GPR155: variants seen among roughly 807,000 people sequenced by gnomAD.
The protein encoded by GPR155 is lysosomal cholesterol signaling protein.
A neutral mutation model predicts 93.1 loss-of-function variants in GPR155; 65 were observed. The ratio of observed to expected loss-of-function variants is 0.70; its 90% CI spans 0.57 to 0.86. The LOEUF is 0.86. GPR155 is among the 40% of genes least tolerant of loss of function. The pLI, the probability that GPR155 is intolerant of heterozygous loss-of-function variation, is 0.00. For synonymous variants in GPR155, 319 were observed against 360.1 expected (o/e 0.89, Z 1.29); for missense variants, 838 against 1,034.8 (o/e 0.81, Z 2.61).
At position 174,459,993 on chromosome 2, in the gene GPR155, T is replaced by G; in HGVS notation, c.1656A>C (p.Glu552Asp). The G allele has an allele frequency of 6.2e-7, 1 of 1,614,044 alleles. No individual in the cohort carries two copies. The highest frequency in any genetic ancestry group is 8.5e-7 in the Non-Finnish European group (1 of 1,179,970). ...TGTGGCTCTGAGACTGATCGAAACC[T>G]TCATAGCTTCCTGCTTGGGCAGTCT... is the stretch of plus-strand genomic sequence containing the variant. ...MNQTAQAGSY[E>D]GFDQSQSHKV... The change falls in exon 10 of 16, where the codon GAA becomes GAC. Residue 552 changes from glutamate (E) to aspartate (D), a missense_variant. Physicochemically the swap from Glu to Asp is conservative, Grantham distance 45. Coordinates refer to ENST00000392552, the MANE Select transcript of GPR155 (RefSeq NM_152529.7).
chr2:174,474,621 A>G (rs969870844), intron 2 of GPR155, among the ~76,000 whole-genome samples: 1 of 152,164 alleles, frequency 6.6e-6, no homozygotes, highest in Admixed American at 6.5e-5. Flanking sequence ...CTTATGAAAA[A>G]TGGTACAATA....
intron 10 of GPR155, 31 bp downstream of exon 10, chr2:174,459,847 A>G (rs767175358): frequency 2.7e-6 from 4 of 1,506,052 alleles, no homozygotes; most frequent in Non-Finnish European, 3.7e-6. Context: ...TCTGTCTCAA[A>G]TAAATAAAAA....
chr2:174,454,141 G>GT (rs1046903413), intron 10 of GPR155, among the ~76,000 whole-genome samples: 6 of 152,070 alleles, frequency 3.9e-5, no homozygotes, highest in East Asian at 3.9e-4. Context: ...GTTTTGTTCT[G>GT]TTTTTTTGTT....
intron 4 of GPR155, among the ~76,000 whole-genome samples, chr2:174,470,019 A>G (rs1210852191): frequency 6.6e-6 from 1 of 152,178 alleles, no homozygotes; most frequent in East Asian, 1.9e-4. Flanking sequence ...CTACCACCAC[A>G]CCCAGCTAAT....
chr2:174,472,405 CAAACAA>C (rs1202024829), intron 3 of GPR155, among the ~76,000 whole-genome samples: 1 of 152,000 alleles, frequency 6.6e-6, no homozygotes, highest in Non-Finnish European at 1.5e-5. Flanking sequence ...GACTCTGTTT[CAAACAA>C]AAACAAAAAC....
Position 174,473,164 on chromosome 2 carries a change from A to T in GPR155, c.661T>A (p.Phe221Ile). 1 of 1,613,130 alleles carries T rather than the reference A, an allele frequency of 6.2e-7. No individual in the cohort carries two copies. Among genetic ancestry groups the T allele is most frequent in the Non-Finnish European group, 8.5e-7 (1 of 1,179,532 alleles). Reference sequence around the variant, plus strand: ...AAGGCGATGCCAATGAAGACCATAAATACTATTGGGTTCTGTAATACACGC... The same window carrying T: ...AAGGCGATGCCAATGAAGACCATAATTACTATTGGGTTCTGTAATACACGC... The part of the protein sequence containing the change: ...LLRVLQNPIV[F>I]MVFIGIAFNF... Residue 221 changes from phenylalanine to isoleucine, a missense_variant, in exon 3 of 16, where the codon TTT becomes ATT. By Grantham distance (21) the Phe-to-Ile change is conservative. This residue lies in a region of GPR155 where 663 missense variants were observed against 790.1 expected (regional missense o/e 0.84). Transcript: ENST00000392552.
At chr2:174,463,878 G>C (rs2105713076) in intron 7 of GPR155, among the ~76,000 whole-genome samples, 1 of 152,310 alleles carries the variant, frequency 6.6e-6, no homozygotes, top group East Asian at 1.9e-4. Context: ...CACTGTGCTA[G>C]ATTTAATATA....
intron 11 of GPR155, among the ~76,000 whole-genome samples, chr2:174,447,198 G>A (rs1687157476): frequency 6.6e-6 from 1 of 151,382 alleles, no homozygotes; most frequent in Non-Finnish European, 1.5e-5. Context: ...TTAACTGGGT[G>A]TGGTGGCGGG....
At chr2:174,455,676 A>C (rs750133731) in intron 10 of GPR155, among the ~76,000 whole-genome samples, 1 of 152,134 alleles carries the variant, frequency 6.6e-6, no homozygotes, top group Non-Finnish European at 1.5e-5. Context: ...CCACGCCCTG[A>C]ATGGCTAATT....
At chr2:174,441,419 A>C (rs1686955878) in intron 14 of GPR155, among the ~76,000 whole-genome samples, 1 of 151,350 alleles carries the variant, frequency 6.6e-6, no homozygotes. Flanking sequence ...TATATTTAAA[A>C]AATTTTTTTT....
rs1261778577 is a variant in GPR155, at chr2:174,469,439, A to G, written c.1027-372T>C. ...AAAAGGAATTCAAAAAAAGAAAATT[A>G]CCATGCAAATATTTATTTTACAGAT... is the stretch of plus-strand genomic sequence containing the variant. On this transcript the variant is annotated intron_variant, in intron 4 of 15. Coordinates refer to ENST00000392552, the MANE Select transcript of GPR155 (RefSeq NM_152529.7). Among the ~76,000 whole-genome samples, 6 of 152,358 alleles carry G rather than the reference A, an allele frequency of 3.9e-5. No individual in the cohort carries two copies. In the East Asian group the frequency reaches 5.8e-4, roughly 15 times the overall value.
At chr2:174,460,226 T>C (rs1282384005) in intron 9 of GPR155, 138 bp from the exon 10 acceptor site, 6 of 555,076 alleles carry the variant, frequency 1.1e-5, no homozygotes, top group Non-Finnish European at 1.8e-5. Context: ...AGTGACACAA[T>C]CTCGGCTCAC....
chr2:174,471,328 G>T (rs1288533410), intron 3 of GPR155, among the ~76,000 whole-genome samples: 1 of 150,210 alleles, frequency 6.7e-6, no homozygotes, highest in African/African-American at 2.5e-5. Flanking sequence ...GGAGGTGGAG[G>T]TGCAGTGAGC....
At position 174,431,837 on chromosome 2, in the gene GPR155, C is replaced by T. The variant is rs1183194508; in HGVS notation, c.*4279G>A. 1.3e-5 allele frequency: 2 copies of T among 152,162 alleles called. No individual in the cohort carries two copies. Among genetic ancestry groups the T allele is most frequent in the Non-Finnish European group, 2.9e-5 (2 of 68,028 alleles). The allele number at this position is 152,162 out of a possible 1,614,324, so 9.4% of individuals were successfully genotyped here. A position where few individuals can be genotyped will look rare whatever the true frequency, so the allele number is the denominator to read the frequency against. Reference sequence around the variant, plus strand: ...TTTTCTTGCTTTAGAAATTTACTGACCATTAATTGTTGTTCTCAAAATGCC... The same window carrying T: ...TTTTCTTGCTTTAGAAATTTACTGATCATTAATTGTTGTTCTCAAAATGCC... On this transcript the variant is annotated 3_prime_UTR_variant, in exon 16 of 16. Coordinates refer to ENST00000392552, the MANE Select transcript of GPR155 (RefSeq NM_152529.7).
chr2:174,479,762 C>A (rs1688267892), intron 2 of GPR155, among the ~76,000 whole-genome samples: 1 of 152,170 alleles, frequency 6.6e-6, no homozygotes, highest in African/African-American at 2.4e-5. Context: ...GAGAAATTTA[C>A]CTTATTAATT....
chr2:174,457,068 T>G (rs549757130), intron 10 of GPR155, among the ~76,000 whole-genome samples: 1 of 152,266 alleles, frequency 6.6e-6, no homozygotes, highest in South Asian at 2.1e-4. Context: ...TCCCAGCACT[T>G]TGGGAGGCTG....
At chr2:174,440,279 TA>T (rs1374597854) in intron 14 of GPR155, among the ~76,000 whole-genome samples, 5 of 152,182 alleles carry the variant, frequency 3.3e-5, no homozygotes, top group Admixed American at 6.5e-5. Flanking sequence ...GTGGAAGACT[TA>T]ATCATTTTAT....
Position 174,434,302 on chromosome 2 carries a change from C to G in GPR155, c.*1814G>C, listed in dbSNP as rs1292704363. ...TAGAATTTTTAAATATTGGCTTGAA[C>G]TATATAGTTTTTTTTTTTTTAACTA... On this transcript the variant is annotated 3_prime_UTR_variant, in exon 16 of 16. Transcript: ENST00000392552. 6.6e-6 allele frequency: 1 copy of G among 151,002 alleles called. No individual in the cohort carries two copies. Among genetic ancestry groups the G allele is most frequent in the Non-Finnish European group, 1.5e-5 (1 of 67,816 alleles). The allele number at this position is 151,002 out of a possible 1,614,324, so 9.4% of individuals were successfully genotyped here.
intron 2 of GPR155, among the ~76,000 whole-genome samples, chr2:174,481,251 C>A (rs576477629): frequency 6.6e-6 from 1 of 151,596 alleles, no homozygotes; most frequent in African/African-American, 2.4e-5. Context: ...ATGTGCTTAC[C>A]GGGAAGAAAA....
Sources: gnomAD v4.1 joint callset for allele counts (sites outside exome capture counted in the v4.1 genomes callset) on GRCh38, gnomAD v4.1.1 for gene constraint, gnomAD v4.1.1 regional missense constraint, MANE v1.5 for transcripts, NCBI Gene and HGNC (gene_info 2026-07-23, HGNC 2026-07-21) for gene names.